Variants in SPDYE5 observed in about 807,000 individuals in gnomAD.
The protein encoded by SPDYE5 is speedy protein E5.
A neutral mutation model predicts 48.5 loss-of-function variants in SPDYE5; 15 were observed. That is an observed-to-expected ratio of 0.31 (90% CI 0.21 to 0.48). SPDYE5 has a LOEUF of 0.48. SPDYE5 is among the 20% of genes least tolerant of loss of function. SPDYE5 has a pLI of 0.99. For missense variants in SPDYE5, 331 were observed against 549.1 expected, an observed-to-expected ratio of 0.60 and a Z score of 3.97; for synonymous variants, 116 against 200.7, an observed-to-expected ratio of 0.58 and a Z score of 3.57.
chr7:75,495,382 G>A lies in SPDYE5; in HGVS notation c.379+8G>A, dbSNP rs782143958. The A allele has an allele frequency of 6.3e-6, 10 of 1,597,470 alleles. 1 individual carries two copies. The South Asian group carries it at 1.1e-4, about 18-fold the overall frequency. ...GCTTCAACAGTCAGCTTGGTAGGAG[G>A]ACACCCCAGAGAGCACCTCCAATCC... On this transcript the variant is annotated splice_region_variant and intron_variant, in intron 3 of 8. Transcript: ENST00000625065.
intron 8 of SPDYE5, 135 bp downstream of exon 8, chr7:75,502,117 G>A (rs1554483692): frequency 9.1e-7 from 1 of 1,095,654 alleles, no homozygotes. Context: ...ACAAAAATTA[G>A]CCAGGCGATG....
In SPDYE5 at chr7:75,501,848, C is replaced by T. The variant is rs199593050; in HGVS notation, c.1150-30C>T. On this transcript the variant is annotated intron_variant, in intron 7 of 8. Transcript: ENST00000625065. ...AGAGAGGGGTATCCTGGCGAGTCCC[C>T]GTCTTCTCAAAGGGCGTTTGTTTTT... is the stretch of plus-strand genomic sequence containing the variant. 9.7e-4 allele frequency: 1,556 copies of T among 1,611,878 alleles called. 3 individuals are homozygous for T. Among genetic ancestry groups the T allele is most frequent in the Non-Finnish European group, 9.5e-4 (1,121 of 1,179,796 alleles).
chr7:75,492,066 G>A (rs1215910400), upstream of SPDYE5, among the ~76,000 whole-genome samples: 1 of 152,084 alleles, frequency 6.6e-6, no homozygotes, highest in East Asian at 1.9e-4. Context: ...CATGGCCTCA[G>A]TGTAGTGTGT....
At chr7:75,502,515 G>C (rs1180874389) in intron 8 of SPDYE5, among the ~76,000 whole-genome samples, 3 of 152,114 alleles carry the variant, frequency 2.0e-5, no homozygotes, top group Admixed American at 6.5e-5. Flanking sequence ...AGACACAAAA[G>C]GCCCCAGCTG....
At chr7:75,493,148 G>T (rs1481211607) in intron 1 of SPDYE5, among the ~76,000 whole-genome samples, 1 of 151,834 alleles carries the variant, frequency 6.6e-6, no homozygotes, top group East Asian at 1.9e-4. Context: ...TTTATTCATA[G>T]AATCCATAAA....
At chr7:75,495,877 T>G (rs1191903148) in intron 3 of SPDYE5, among the ~76,000 whole-genome samples, 1 of 151,924 alleles carries the variant, frequency 6.6e-6, no homozygotes, top group African/African-American at 2.4e-5. Flanking sequence ...TCATTTATAC[T>G]AACAATACAA....
chr7:75,501,477 T>G lies in SPDYE5; in HGVS notation c.871T>G (p.Leu291Val). The part of the protein sequence containing the change: ...IPLLRKRWFQ[L>V]GRSMNPRARK... ...CTTGCTCCGTAAGCGTTGGTTCCAG[T>G]TAGGCCGTTCCATGAACCCGAGGGC... is the stretch of plus-strand genomic sequence containing the variant. Residue 291 changes from leucine (L) to valine (V), a missense_variant, in exon 7 of 9, where the codon TTA becomes GTA. Coordinates refer to ENST00000625065, the MANE Select transcript of SPDYE5 (RefSeq NM_001306141.4). 3 of 1,495,336 alleles carry G rather than the reference T, an allele frequency of 2.0e-6. No individual in the cohort carries two copies. The highest frequency in any genetic ancestry group is 2.7e-6 in the Non-Finnish European group (3 of 1,114,758). The allele number at this position is 1,495,336 out of a possible 1,614,324, so 92.6% of individuals were successfully genotyped here. A position where few individuals can be genotyped will look rare whatever the true frequency, so the allele number is the denominator to read the frequency against.
intron 6 of SPDYE5, among the ~76,000 whole-genome samples, chr7:75,499,628 G>A (rs1194627594): frequency 1.3e-5 from 2 of 151,750 alleles, no homozygotes; most frequent in Non-Finnish European, 1.5e-5. Context: ...TTAGCTGGGC[G>A]TGGTGGTGTG....
rs587671351 is a variant in SPDYE5 at position 75,501,942 on chromosome 7, C to G, written c.*5C>G. On this transcript the variant is annotated 3_prime_UTR_variant, in exon 8 of 9. Coordinates refer to ENST00000625065, the MANE Select transcript of SPDYE5 (RefSeq NM_001306141.4). ...GATCGCGCTCACCTTTCCTAGAGCT[C>G]CAGGGACCGTGGAGGCCTGAGGTCA... 4.4e-5 allele frequency: 71 copies of G among 1,607,074 alleles called. 2 individuals are homozygous for G. The East Asian group carries it at 1.5e-3, about 33-fold the overall frequency.
chr7:75,493,987 T>A lies in SPDYE5; in HGVS notation c.-61T>A. 1 of 1,512,816 alleles carries A rather than the reference T, an allele frequency of 6.6e-7. No homozygotes were observed. The highest frequency in any genetic ancestry group is 8.8e-7 in the Non-Finnish European group (1 of 1,136,070). The allele number at this position is 1,512,816 out of a possible 1,614,324, so 93.7% of individuals were successfully genotyped here. ...AGAGCTGTTCTCCACTCCTGACTTC[T>A]CCTAGGCTTGAGAATTGATAACATA... On this transcript the variant is annotated 5_prime_UTR_variant, in exon 2 of 9. Coordinates refer to ENST00000625065, the MANE Select transcript of SPDYE5 (RefSeq NM_001306141.4).
Position 75,494,033 on chromosome 7 carries a change from GA to G in SPDYE5, c.-14del, listed in dbSNP as rs1792831101. On this transcript the variant is annotated 5_prime_UTR_variant, in exon 2 of 9. Coordinates refer to ENST00000625065, the MANE Select transcript of SPDYE5 (RefSeq NM_001306141.4). ...ACATACTCTTCTGGATCCTAGCAGT[GA>G]TCAGAAGAAGGCCATGGACAGAACG... 4.1e-5 allele frequency: 56 copies of G among 1,372,822 alleles called. No homozygotes were observed. In the South Asian group the frequency reaches 6.5e-4, roughly 16 times the overall value. The allele number at this position is 1,372,822 out of a possible 1,614,324, so 85.0% of individuals were successfully genotyped here. A position where few individuals can be genotyped will look rare whatever the true frequency, so the allele number is the denominator to read the frequency against.
Position 75,494,071 on chromosome 7 carries a change from C to T in SPDYE5, c.24C>T (p.Phe8=). 1 of 1,533,828 alleles carries T rather than the reference C, an allele frequency of 6.5e-7. No individual in the cohort carries two copies. Among genetic ancestry groups the T allele is most frequent in the Non-Finnish European group, 8.7e-7 (1 of 1,146,470 alleles). The change falls in exon 2 of 9, where the codon TTC becomes TTT. Residue 8 remains phenylalanine, a synonymous_variant. Coordinates refer to ENST00000625065, the MANE Select transcript of SPDYE5 (RefSeq NM_001306141.4). ...CCATGGACAGAACGGAGACTAGGTTCCGTAAGAGGGGACAGATTACGGAAA... is the reference window on the plus strand; with the variant it reads ...CCATGGACAGAACGGAGACTAGGTTTCGTAAGAGGGGACAGATTACGGAAA... The part of the protein sequence containing the change: MDRTETR[F]RKRGQITEKI...
At chr7:75,499,792 A>AAG (rs1793076947) in intron 6 of SPDYE5, among the ~76,000 whole-genome samples, 1 of 140,078 alleles carries the variant, frequency 7.1e-6, no homozygotes, top group Non-Finnish European at 1.5e-5. Flanking sequence ...AAAAAAAAAA[A>AAG]AGCCAAAAAA....
chr7:75,501,141 G>A (rs1341889746), intron 6 of SPDYE5, among the ~76,000 whole-genome samples: 14 of 152,132 alleles, frequency 9.2e-5, no homozygotes, highest in African/African-American at 2.2e-4. Flanking sequence ...CACCACTCTC[G>A]GCCACCAGTT....
At chr7:75,494,516 C>CAAA (rs1280246072) in intron 2 of SPDYE5, among the ~76,000 whole-genome samples, 2 of 117,974 alleles carry the variant, frequency 1.7e-5, no homozygotes, top group African/African-American at 6.5e-5. Context: ...TACTGCACTC[C>CAAA]AAAAAAAAAA....
upstream of SPDYE5, among the ~76,000 whole-genome samples, chr7:75,492,094 AAG>A (rs1792756863): frequency 6.6e-6 from 1 of 152,032 alleles, no homozygotes; most frequent in Non-Finnish European, 1.5e-5. Flanking sequence ...AGGTGGCCGG[AAG>A]AGAGAGGAAT....
chr7:75,492,184 T>C (rs1792758410), upstream of SPDYE5, among the ~76,000 whole-genome samples: 1 of 152,070 alleles, frequency 6.6e-6, no homozygotes, highest in Non-Finnish European at 1.5e-5. Flanking sequence ...GGTCAGAACA[T>C]TGATCTTCTA....
At chr7:75,500,245 C>T (rs2116620697) in intron 6 of SPDYE5, among the ~76,000 whole-genome samples, 1 of 144,844 alleles carries the variant, frequency 6.9e-6, no homozygotes, top group South Asian at 2.4e-4. Flanking sequence ...CTTGGTATTT[C>T]CTGGCTCGGC....
rs1793217201 is a variant in SPDYE5, at chr7:75,503,319, T to C, written c.*532T>C. On this transcript the variant is annotated 3_prime_UTR_variant, in exon 9 of 9. Transcript: ENST00000625065. ...TGTTTGGAAAATGTTGGCCATTGAA[T>C]TATTCATAGATTTATTTCAAATAGT... 1 of 208,964 alleles carries C rather than the reference T, an allele frequency of 4.8e-6. No individual in the cohort carries two copies. The highest frequency in any genetic ancestry group is 5.7e-5 in the Admixed American group (1 of 17,658). 12.9% of individuals were successfully genotyped at this position (208,964 alleles called of 1,614,324 possible).
Sources: allele counts gnomAD v4.1 joint callset (sites outside exome capture counted in the v4.1 genomes callset), GRCh38; gene constraint gnomAD v4.1.1; transcripts MANE v1.5; gene names NCBI Gene and HGNC (gene_info 2026-07-23, HGNC 2026-07-21).